Variants in RAMP1 observed in about 807,000 individuals in gnomAD.
The protein encoded by RAMP1 is receptor activity-modifying protein 1.
Under a neutral mutation model 8.2 loss-of-function variants are expected in RAMP1, and 7 were observed. The ratio of observed to expected loss-of-function variants is 0.85; its 90% CI spans 0.49 to 1.60. The LOEUF (loss-of-function observed/expected upper bound fraction) is 1.60. Ranked by LOEUF, RAMP1 falls within the 40% of genes most tolerant of loss-of-function variation. The pLI is 0.00. For synonymous variants in RAMP1, 92 were observed against 84.7 expected (o/e 1.09, Z -0.47); for missense variants, 192 against 202.4 (o/e 0.95, Z 0.31).
At chr2:237,897,827 C>T (rs995941028) in intron 2 of RAMP1, among the ~76,000 whole-genome samples, 1 of 151,142 alleles carries the variant, frequency 6.6e-6, no homozygotes, top group African/African-American at 2.4e-5. Flanking sequence ...GAGATGGGGT[C>T]TCGCTCTTTC....
intron 2 of RAMP1, among the ~76,000 whole-genome samples, chr2:237,910,368 CAG>C (rs1455223748): frequency 2.7e-5 from 4 of 150,558 alleles, no homozygotes; most frequent in African/African-American, 9.9e-5. Context: ...CAATCACACA[CAG>C]AGAATAACAC....
chr2:237,881,268 T>C (rs2062365064), intron 2 of RAMP1, among the ~76,000 whole-genome samples: 1 of 152,334 alleles, frequency 6.6e-6, no homozygotes, highest in Middle Eastern at 3.4e-3. Flanking sequence ...TACAGCTGTA[T>C]AGTACTCCGC....
At chr2:237,903,134 C>T (rs758620525) in intron 2 of RAMP1, among the ~76,000 whole-genome samples, 7 of 152,078 alleles carry the variant, frequency 4.6e-5, no homozygotes, top group Admixed American at 4.6e-4. Flanking sequence ...GCTAGGATCA[C>T]AGGCATGAGA....
chr2:237,877,179 C>A lies in RAMP1; in HGVS notation c.53-45C>A. ...GCGGGCTGGCGGTGATACCCCTAGGCCTCTGCTGCCGCCCGCCATCTCTTC... is the reference window on the plus strand; with the variant it reads ...GCGGGCTGGCGGTGATACCCCTAGGACTCTGCTGCCGCCCGCCATCTCTTC... On this transcript the variant is annotated intron_variant, in intron 1 of 2. Coordinates refer to ENST00000254661, the MANE Select transcript of RAMP1 (RefSeq NM_005855.4). The surrounding 1 kb of genome is among the most constrained non-coding windows in gnomAD (Gnocchi z 4.4). The A allele has an allele frequency of 6.2e-7, 1 of 1,611,476 alleles. No homozygotes were observed. Among genetic ancestry groups the A allele is most frequent in the Non-Finnish European group, 8.5e-7 (1 of 1,179,786 alleles).
At chr2:237,895,428 C>T (rs1229166414) in intron 2 of RAMP1, among the ~76,000 whole-genome samples, 1 of 152,138 alleles carries the variant, frequency 6.6e-6, no homozygotes. Context: ...CTCCTCAAAA[C>T]CCCCACAGTG....
chr2:237,864,738 G>T (rs997725115), intron 1 of RAMP1, among the ~76,000 whole-genome samples: 1 of 152,206 alleles, frequency 6.6e-6, no homozygotes, highest in Non-Finnish European at 1.5e-5. Flanking sequence ...TGCCAGGGTG[G>T]GGCAGCCCTG....
chr2:237,885,555 G>C (rs1258971839), intron 2 of RAMP1, among the ~76,000 whole-genome samples: 1 of 152,258 alleles, frequency 6.6e-6, no homozygotes, highest in African/African-American at 2.4e-5. Context: ...TGTGCTGGTG[G>C]AATAGCGTGG....
chr2:237,867,016 A>C (rs2062194255), intron 1 of RAMP1, among the ~76,000 whole-genome samples: 1 of 152,234 alleles, frequency 6.6e-6, no homozygotes, highest in African/African-American at 2.4e-5. Flanking sequence ...GGCGTGAGCC[A>C]CTGTGCCCAG....
chr2:237,859,806 GT>G, intron 1 of RAMP1, 79 bp downstream of exon 1: 1 of 1,010,986 alleles, frequency 9.9e-7, no homozygotes, highest in South Asian at 2.5e-5. Context: ...AGGGGAGCGG[GT>G]GGGAGCGGGT....
At chr2:237,904,512 G>A (rs1475139420) in intron 2 of RAMP1, among the ~76,000 whole-genome samples, 1 of 152,216 alleles carries the variant, frequency 6.6e-6, no homozygotes, top group East Asian at 1.9e-4. Flanking sequence ...GGAGGGTGAG[G>A]CAAGAGGATC....
intron 1 of RAMP1, among the ~76,000 whole-genome samples, chr2:237,873,535 G>A (rs891312165): frequency 6.6e-5 from 10 of 152,158 alleles, no homozygotes; most frequent in Admixed American, 2.6e-4. Context: ...GAAGGAAGCC[G>A]TTGCTCTGAA....
At chr2:237,905,524 C>A (rs902051375) in intron 2 of RAMP1, among the ~76,000 whole-genome samples, 3 of 152,188 alleles carry the variant, frequency 2.0e-5, no homozygotes, top group African/African-American at 4.8e-5. Context: ...TGGCTTCCTG[C>A]ATCCGCTCCT....
rs1559934733 is a variant in RAMP1 at position 237,865,838 on chromosome 2, A to G, written c.52+6111A>G. On this transcript the variant is annotated intron_variant, in intron 1 of 2. Coordinates refer to ENST00000254661, the MANE Select transcript of RAMP1 (RefSeq NM_005855.4). This position sits in a 1 kb window ranked among gnomAD's most constrained non-coding sequence, Gnocchi z 4.2. ...GCCCCAGGCACCACTGGGCACCTTG[A>G]CATGATTGGTGGTGGAGGGAGGCAG... 1.3e-5 allele frequency among the ~76,000 whole-genome samples: 2 copies of G among 152,234 alleles called. No individual in the cohort carries two copies. Among genetic ancestry groups the G allele is most frequent in the African/African-American group, 2.4e-5 (1 of 41,560 alleles).
At chr2:237,903,822 G>A (rs1400428729) in intron 2 of RAMP1, among the ~76,000 whole-genome samples, 1 of 152,182 alleles carries the variant, frequency 6.6e-6, no homozygotes, top group Non-Finnish European at 1.5e-5. Flanking sequence ...AGCCTCCCGA[G>A]TAGCTGGGAC....
Position 237,911,697 on chromosome 2 carries a change from C to T in RAMP1, c.361C>T (p.Pro121Ser). 1.2e-6 allele frequency: 2 copies of T among 1,614,010 alleles called. No individual in the cohort carries two copies. The highest frequency in any genetic ancestry group is 1.7e-6 in the Non-Finnish European group (2 of 1,179,982). Reference sequence around the variant, plus strand: ...GGACCCGCCCGGCAGCATCCTCTACCCCTTCATCGTGGTCCCCATCACGGT... The same window carrying T: ...GGACCCGCCCGGCAGCATCCTCTACTCCTTCATCGTGGTCCCCATCACGGT... ...VRDPPGSILYPFIVVPITVTL... is the reference protein window; with the variant it reads ...VRDPPGSILYSFIVVPITVTL... The change falls in exon 3 of 3, where the codon CCC (proline) becomes TCC (serine). Residue 121 changes from proline (P) to serine (S), a missense_variant. Pro to Ser is a moderately conservative substitution (Grantham distance 74). Transcript: ENST00000254661.
Position 237,878,580 on chromosome 2 carries a change from T to G in RAMP1, c.191+1218T>G, listed in dbSNP as rs575332912. ...CCTCCCTCTACCCTCAGAGCCCCGC[T>G]GGCCACAGCCTGCCCTCTTCAGTCC... On this transcript the variant is annotated intron_variant, in intron 2 of 2. Coordinates refer to ENST00000254661, the MANE Select transcript of RAMP1 (RefSeq NM_005855.4). This position sits in a 1 kb window ranked among gnomAD's most constrained non-coding sequence, Gnocchi z 5.7. 2.6e-5 allele frequency among the ~76,000 whole-genome samples: 4 copies of G among 152,328 alleles called. No individual in the cohort carries two copies. In the East Asian group the frequency reaches 7.7e-4, roughly 29 times the overall value.
chr2:237,903,480 T>A (rs34715806), intron 2 of RAMP1, among the ~76,000 whole-genome samples: 11,749 of 152,204 alleles, frequency 0.077, 534 homozygotes, highest in African/African-American at 0.12. Context: ...TTGCTATGAG[T>A]GCCTGCCTCA....
intron 2 of RAMP1, among the ~76,000 whole-genome samples, chr2:237,890,825 C>G (rs967555282): frequency 2.6e-5 from 4 of 152,128 alleles, no homozygotes; most frequent in Non-Finnish European, 4.4e-5. Context: ...TGTTTAGATG[C>G]TATTTCATTC....
intron 1 of RAMP1, among the ~76,000 whole-genome samples, chr2:237,863,264 C>T (rs1329285828): frequency 3.9e-5 from 6 of 152,160 alleles, no homozygotes; most frequent in Non-Finnish European, 5.9e-5. Context: ...TGCCCACTGC[C>T]CCAGCCCACC....
Sources: allele counts gnomAD v4.1 joint callset (sites outside exome capture counted in the v4.1 genomes callset), GRCh38; gene constraint gnomAD v4.1.1; non-coding constraint Gnocchi (gnomAD v3.1); transcripts MANE v1.5; gene names NCBI Gene and HGNC (gene_info 2026-07-23, HGNC 2026-07-21).